The following BAZ2B variants were observed in gnomAD, a reference collection of about 807,000 sequenced individuals.
The protein encoded by BAZ2B is bromodomain adjacent to zinc finger domain protein 2B.
In BAZ2B, 91 loss-of-function variants were observed where a neutral mutation model predicts 246.0. The observed-to-expected ratio is 0.37, with a 90% CI of 0.31 to 0.44. BAZ2B has a LOEUF of 0.44. Among genes scored for constraint, BAZ2B ranks in the 20% least tolerant of loss-of-function variants. The pLI is 1.00. For synonymous variants in BAZ2B, 855 were observed against 860.0 expected, an observed-to-expected ratio of 0.99 and a Z score of 0.10; for missense variants, 2,332 against 2,533.7, an observed-to-expected ratio of 0.92 and a Z score of 1.71.
At chr2:159,447,855 G>T (rs1247941183) in intron 5 of BAZ2B, among the ~76,000 whole-genome samples, 1 of 152,210 alleles carries the variant, frequency 6.6e-6, no homozygotes, top group Non-Finnish European at 1.5e-5. Context: ...GCCTACGCTT[G>T]TGATCCCAGC....
chr2:159,337,896 A>C, intron 31 of BAZ2B, 124 bp from the exon 32 acceptor site: 1 of 910,348 alleles, frequency 1.1e-6, no homozygotes, highest in South Asian at 2.4e-5. Context: ...AAAAGATTTT[A>C]CCTTGTGTTT....
intron 1 of BAZ2B, among the ~76,000 whole-genome samples, chr2:159,558,225 C>T (rs2089438787): frequency 2.0e-5 from 3 of 152,054 alleles, no homozygotes; most frequent in African/African-American, 7.2e-5. Flanking sequence ...CAAATGAAGA[C>T]GCTTCCCACC....
the BAZ2B span, among the ~76,000 whole-genome samples, chr2:159,664,025 C>G: frequency 3.0e-5 from 2 of 67,464 alleles, no homozygotes; most frequent in East Asian, 9.5e-4. Context: ...ATCCCTCCCC[C>G]CTCCCCCGAC....
chr2:159,392,570 G>C (rs2063483271), intron 20 of BAZ2B, among the ~76,000 whole-genome samples: 1 of 152,064 alleles, frequency 6.6e-6, no homozygotes, highest in South Asian at 2.1e-4. Flanking sequence ...CTGGACACCT[G>C]GAGAAAGTTT....
chr2:159,505,191 C>A (rs1445612028), intron 2 of BAZ2B, among the ~76,000 whole-genome samples: 1 of 152,168 alleles, frequency 6.6e-6, no homozygotes, highest in East Asian at 1.9e-4. Flanking sequence ...TATGTAATTT[C>A]ATAGAAGAGA....
At chr2:159,367,687 C>T (rs532614698) in intron 27 of BAZ2B, among the ~76,000 whole-genome samples, 10 of 152,064 alleles carry the variant, frequency 6.6e-5, no homozygotes, top group African/African-American at 2.4e-4. Flanking sequence ...AGATCGAGAC[C>T]ATCCTGGCTA....
the BAZ2B span, among the ~76,000 whole-genome samples, chr2:159,624,100 C>G: frequency 6.6e-6 from 1 of 152,152 alleles, no homozygotes; most frequent in African/African-American, 2.4e-5. Context: ...CGGGTGGAGC[C>G]CACCACAGCT....
At chr2:159,671,429 T>G in the BAZ2B span, among the ~76,000 whole-genome samples, 1 of 152,220 alleles carries the variant, frequency 6.6e-6, no homozygotes, top group Non-Finnish European at 1.5e-5. Context: ...TAGAAGGTAC[T>G]ACCTCAAATA....
chr2:159,498,713 A>C (rs1029379599), intron 2 of BAZ2B, among the ~76,000 whole-genome samples: 1 of 152,044 alleles, frequency 6.6e-6, no homozygotes, highest in Non-Finnish European at 1.5e-5. Context: ...AATTCCCCCT[A>C]CCATTCTCTT....
the BAZ2B span, among the ~76,000 whole-genome samples, chr2:159,658,354 G>T: frequency 6.6e-6 from 1 of 151,894 alleles, no homozygotes; most frequent in Non-Finnish European, 1.5e-5. Flanking sequence ...TTTTTTCTGC[G>T]ACTGGGTCTC....
Position 159,599,821 on chromosome 2 carries a change from AGC to A in BAZ2B, c.-46+16419_-46+16420del, listed in dbSNP as rs1403269276. On this transcript the variant is annotated intron_variant, in intron 1 of 36. Transcript: ENST00000392783. The stretch of plus-strand genomic sequence containing the variant: ...CGTGGTAGCGGAAGCCTGTAGTCCC[AGC>A]TACTCGGGAGGCTGAGGCAGGAGAA... 3.3e-5 allele frequency among the ~76,000 whole-genome samples: 5 copies of A among 151,174 alleles called. No individual in the cohort carries two copies. The East Asian group carries it at 9.8e-4, about 30-fold the overall frequency.
intron 14 of BAZ2B, among the ~76,000 whole-genome samples, chr2:159,407,179 A>T (rs1275130305): frequency 1.3e-5 from 2 of 151,852 alleles, no homozygotes; most frequent in Non-Finnish European, 2.9e-5. Flanking sequence ...CCAAGAAAAA[A>T]ACCCACAACT....
At chr2:159,423,047 G>A (rs190239825) in intron 13 of BAZ2B, among the ~76,000 whole-genome samples, 115 of 152,168 alleles carry the variant, frequency 7.6e-4, no homozygotes, top group Admixed American at 7.1e-3. Context: ...CGGGTGTGGT[G>A]GCTCACACCT....
the BAZ2B span, among the ~76,000 whole-genome samples, chr2:159,659,424 T>C: frequency 0.4 from 61,026 of 151,976 alleles, 12,756 homozygotes; most frequent in African/African-American, 0.5. Context: ...TGTAGTTTGC[T>C]AGTTAGCAAG....
chr2:159,545,551 C>T (rs1217590895), intron 2 of BAZ2B, among the ~76,000 whole-genome samples: 1 of 137,612 alleles, frequency 7.3e-6, no homozygotes, highest in Non-Finnish European at 1.6e-5. Context: ...TCCAGTTACA[C>T]ACTAAAAGGC....
chr2:159,320,496 G>A (rs2062585386), intron 36 of BAZ2B, 78 bp from the exon 37 acceptor site: 2 of 1,247,592 alleles, frequency 1.6e-6, no homozygotes, highest in Non-Finnish European at 1.1e-6. Context: ...TTAATAAAGG[G>A]TAAAAATGAA....
rs181345316 is a variant in BAZ2B at position 159,363,709 on chromosome 2, G to A, written c.4213+9336C>T. On this transcript the variant is annotated intron_variant, in intron 27 of 36. Transcript: ENST00000392783. The stretch of plus-strand genomic sequence containing the variant: ...AATGATAAGACAGAAATTGAGAGAC[G>A]GCCTAATTCTTGAGTGTGGGAATGT... 2.3e-3 allele frequency among the ~76,000 whole-genome samples: 349 copies of A among 152,160 alleles called. 1 individual carries two copies. Among genetic ancestry groups the A allele is most frequent in the Middle Eastern group, 6.8e-3 (2 of 294 alleles).
At chr2:159,399,001 A>G in intron 17 of BAZ2B, 107 bp from the exon 18 acceptor site, 2 of 918,260 alleles carry the variant, frequency 2.2e-6, no homozygotes, top group Non-Finnish European at 3.3e-6. Context: ...ACGAAACAGT[A>G]TGTAACACAT....
intron 13 of BAZ2B, among the ~76,000 whole-genome samples, chr2:159,423,348 TA>T (rs1302019950): frequency 3.6e-4 from 38 of 106,188 alleles, no homozygotes; most frequent in African/African-American, 1.1e-3. Flanking sequence ...TGGCTATTAT[TA>T]AAATGTCAAA....
Sources: allele counts gnomAD v4.1 joint callset (sites outside exome capture counted in the v4.1 genomes callset), GRCh38; gene constraint gnomAD v4.1.1; transcripts MANE v1.5; gene names NCBI Gene and HGNC (gene_info 2026-07-23, HGNC 2026-07-21).